Variants in MYH15 observed in about 807,000 individuals in gnomAD.
MYH15 encodes myosin-15.
In MYH15, 227 loss-of-function variants were observed where a neutral mutation model predicts 240.5. That is an observed-to-expected ratio of 0.94 (90% CI 0.85 to 1.05). The LOEUF (loss-of-function observed/expected upper bound fraction) is 1.05, where lower values mean the gene tolerates loss of function less well. Among genes scored for constraint, MYH15 ranks in the 50% least tolerant of loss-of-function variants. The pLI is 0.00. For missense variants in MYH15, 2,217 were observed against 2,247.5 expected, an observed-to-expected ratio of 0.99 and a Z score of 0.27; for synonymous variants, 785 against 796.7, an observed-to-expected ratio of 0.99 and a Z score of 0.25.
chr3:108,534,700 TA>T, the MYH15 span, among the ~76,000 whole-genome samples: 57,371 of 134,320 alleles, frequency 0.43, 12,418 homozygotes, highest in East Asian at 0.59. Flanking sequence ...ATCACATCTC[TA>T]AAAAAAAAAA....
intron 12 of MYH15, 59 bp from the exon 13 acceptor site, chr3:108,470,906 G>T: frequency 6.4e-7 from 1 of 1,553,830 alleles, no homozygotes; most frequent in South Asian, 1.2e-5. Context: ...TTAATCCCGG[G>T]CATTCTCTAT....
intron 1 of MYH15, among the ~76,000 whole-genome samples, chr3:108,523,079 G>A (rs993429928): frequency 6.6e-5 from 10 of 152,048 alleles, no homozygotes; most frequent in African/African-American, 2.2e-4. Context: ...TACAATGTAA[G>A]ATCATATGCT....
chr3:108,443,413 T>G (rs2107570478), intron 22 of MYH15, among the ~76,000 whole-genome samples: 1 of 152,322 alleles, frequency 6.6e-6, no homozygotes, highest in East Asian at 1.9e-4. Context: ...TTTTCTGTTT[T>G]TAGTAGAGTT....
chr3:108,435,759 AT>A (rs1293586183), intron 25 of MYH15, among the ~76,000 whole-genome samples: 2 of 139,484 alleles, frequency 1.4e-5, no homozygotes, highest in African/African-American at 2.7e-5. Context: ...TGTGTTTGGG[AT>A]TTTTTTTCAT....
At chr3:108,531,768 C>A (rs573369965), upstream of MYH15, among the ~76,000 whole-genome samples, 13 of 140,862 alleles carry the variant, frequency 9.2e-5, no homozygotes, top group African/African-American at 2.7e-4. Context: ...CAGAGCGAGA[C>A]CCCATCTCTA....
intron 3 of MYH15, among the ~76,000 whole-genome samples, chr3:108,500,804 A>G (rs2083430879): frequency 6.6e-6 from 1 of 152,206 alleles, no homozygotes; most frequent in African/African-American, 2.4e-5. Flanking sequence ...GGGTCTCAAG[A>G]TGATGACATC....
chr3:108,521,044 A>G (rs977221302), intron 1 of MYH15, among the ~76,000 whole-genome samples: 13 of 152,196 alleles, frequency 8.5e-5, no homozygotes, highest in Admixed American at 2.6e-4. Flanking sequence ...CTAGATGTTG[A>G]GCTTCAAAAT....
chr3:108,431,952 T>G (rs144082635), intron 25 of MYH15, among the ~76,000 whole-genome samples: 1 of 152,322 alleles, frequency 6.6e-6, no homozygotes, highest in African/African-American at 2.4e-5. Flanking sequence ...TCTAGAACTT[T>G]GTGGAACTTT....
chr3:108,458,402 C>T (rs542514748), intron 18 of MYH15, among the ~76,000 whole-genome samples: 124 of 152,222 alleles, frequency 8.1e-4, no homozygotes, highest in South Asian at 6.4e-3. Context: ...GTATTTGTAT[C>T]GCAGAAACTC....
At chr3:108,407,045 T>A (rs1387880268) in intron 32 of MYH15, among the ~76,000 whole-genome samples, 2 of 152,158 alleles carry the variant, frequency 1.3e-5, no homozygotes, top group African/African-American at 2.4e-5. Flanking sequence ...ACCAACTGTG[T>A]AAGGACCAGC....
chr3:108,498,407 G>A (rs2083410569), intron 5 of MYH15, among the ~76,000 whole-genome samples: 1 of 152,164 alleles, frequency 6.6e-6, no homozygotes, highest in Admixed American at 6.5e-5. Context: ...CCTGTTCCTT[G>A]TGGTCCTAAT....
chr3:108,432,459 C>T (rs1301985261), intron 25 of MYH15, among the ~76,000 whole-genome samples: 1 of 152,106 alleles, frequency 6.6e-6, no homozygotes, highest in Non-Finnish European at 1.5e-5. Context: ...AGAAAAAATT[C>T]AAGCCAGCTG....
chr3:108,501,139 G>A (rs1425582520), intron 3 of MYH15, among the ~76,000 whole-genome samples: 1 of 152,180 alleles, frequency 6.6e-6, no homozygotes, highest in African/African-American at 2.4e-5. Flanking sequence ...AAGCTGAGGA[G>A]CAAGCTGGTT....
chr3:108,468,076 C>T (rs1259040186), intron 14 of MYH15, among the ~76,000 whole-genome samples: 1 of 152,076 alleles, frequency 6.6e-6, no homozygotes, highest in African/African-American at 2.4e-5. Context: ...AGCTATTCTC[C>T]TGCCTCAGCC....
chr3:108,389,363 ATG>A (rs1193930709), intron 37 of MYH15, among the ~76,000 whole-genome samples: 3 of 152,220 alleles, frequency 2.0e-5, no homozygotes. Flanking sequence ...GTATGTATGA[ATG>A]TATATGTAAG....
rs537735238 is a variant in MYH15 at position 108,391,063 on chromosome 3, G to A, written c.5430+697C>T. On this transcript the variant is annotated intron_variant, in intron 37 of 40. Transcript: ENST00000693548. ...ACTGTATGACTGTATGGAGGTACCC[G>A]AAATGGACATGGGTATTCCATTGTA... 1.2e-3 allele frequency among the ~76,000 whole-genome samples: 181 copies of A among 152,272 alleles called. No individual in the cohort carries two copies. In the Middle Eastern group the frequency reaches 0.014, roughly 11 times the overall value.
intron 21 of MYH15, among the ~76,000 whole-genome samples, chr3:108,446,322 A>T (rs2082927623): frequency 6.6e-6 from 1 of 152,158 alleles, no homozygotes; most frequent in Non-Finnish European, 1.5e-5. Context: ...TCATGGACCC[A>T]GGAACTGGGC....
intron 5 of MYH15, among the ~76,000 whole-genome samples, chr3:108,499,232 G>A (rs2083417991): frequency 6.6e-6 from 1 of 152,120 alleles, no homozygotes; most frequent in African/African-American, 2.4e-5. Flanking sequence ...AAGGATCTCT[G>A]AAAATGAGGG....
chr3:108,508,205 C>T (rs1020558235), intron 1 of MYH15, among the ~76,000 whole-genome samples: 3 of 152,200 alleles, frequency 2.0e-5, no homozygotes, highest in Admixed American at 6.5e-5. Flanking sequence ...CAGGAGTAGG[C>T]TCACCACCTG....
Sources: allele counts gnomAD v4.1 joint callset (sites outside exome capture counted in the v4.1 genomes callset), GRCh38; gene constraint gnomAD v4.1.1; transcripts MANE v1.5; gene names NCBI Gene and HGNC (gene_info 2026-07-23, HGNC 2026-07-21).